CGNL1: variants seen among roughly 807,000 people sequenced by gnomAD.
CGNL1 encodes the protein cingulin-like protein 1.
In CGNL1, 132 loss-of-function variants were observed where a neutral mutation model predicts 141.2. The ratio of observed to expected loss-of-function variants is 0.93; its 90% CI spans 0.81 to 1.08. The LOEUF (loss-of-function observed/expected upper bound fraction) is 1.08. Ranked by LOEUF, CGNL1 falls within the 50% of genes least tolerant of loss-of-function variation. The pLI, the probability that CGNL1 is intolerant of heterozygous loss-of-function variation, is 0.00. For synonymous variants in CGNL1, 690 were observed against 622.1 expected, an observed-to-expected ratio of 1.11 and a Z score of -1.63; for missense variants, 1,870 against 1,588.6, an observed-to-expected ratio of 1.18 and a Z score of -3.01.
Position 57,438,462 on chromosome 15 carries a change from T to G in CGNL1, c.463T>G (p.Tyr155Asp). The change falls in exon 2 of 19, where the codon TAT becomes GAT. Residue 155 changes from tyrosine to aspartate, a missense_variant. By Grantham distance (160) the Tyr-to-Asp change is radical. Coordinates refer to ENST00000281282, the MANE Select transcript of CGNL1 (RefSeq NM_032866.5). ...GAGGCATCCAGAGCTTTTGCAACCC[T>G]ATGACCCTGAAAAGAATGAGTTGAA... is the stretch of plus-strand genomic sequence containing the variant. ...FQRHPELLQP[Y>D]DPEKNELNLQ... 6.2e-7 allele frequency: 1 copy of G among 1,614,178 alleles called. No individual in the cohort carries two copies. The highest frequency in any genetic ancestry group is 8.5e-7 in the Non-Finnish European group (1 of 1,180,034).
At chr15:57,458,832 A>C (rs1313263825) in intron 7 of CGNL1, among the ~76,000 whole-genome samples, 1 of 152,174 alleles carries the variant, frequency 6.6e-6, no homozygotes, top group Non-Finnish European at 1.5e-5. Context: ...GGTGCTTTGA[A>C]AGAGCCAGAG....
intron 8 of CGNL1, among the ~76,000 whole-genome samples, chr15:57,473,701 C>T (rs538743908): frequency 6.6e-5 from 10 of 151,942 alleles, no homozygotes; most frequent in African/African-American, 9.7e-5. Context: ...AAGCAGCCTG[C>T]GAAAAACCCC....
chr15:57,543,670 C>G (rs1620315), intron 14 of CGNL1, 26 bp from the exon 15 acceptor site: 355,440 of 1,581,058 alleles, frequency 0.22, 42,624 homozygotes, highest in African/African-American at 0.42. Context: ...CTTCTAACCT[C>G]TGGGCTTTTG....
chr15:57,506,072 T>A (rs760475778), intron 8 of CGNL1, among the ~76,000 whole-genome samples: 10 of 152,210 alleles, frequency 6.6e-5, no homozygotes, highest in Non-Finnish European at 1.5e-4. Flanking sequence ...AAAAATCCTG[T>A]TGAACCTGTT....
chr15:57,485,606 C>T (rs977236957), intron 8 of CGNL1, among the ~76,000 whole-genome samples: 1 of 152,092 alleles, frequency 6.6e-6, no homozygotes. Flanking sequence ...GCCACAGAGG[C>T]TTTTTCCCAT....
intron 8 of CGNL1, among the ~76,000 whole-genome samples, chr15:57,473,655 G>A (rs1322243925): frequency 6.6e-6 from 1 of 152,120 alleles, no homozygotes; most frequent in East Asian, 1.9e-4. Flanking sequence ...ATCTCTTGCT[G>A]TGGAGGAAGC....
chr15:57,383,808 T>C (rs1201634569), intron 1 of CGNL1, among the ~76,000 whole-genome samples: 2 of 151,730 alleles, frequency 1.3e-5, no homozygotes, highest in East Asian at 1.9e-4. Flanking sequence ...TTTATGTGTG[T>C]GTGTGTGTTT....
rs2031966818 is a variant in CGNL1, at chr15:57,531,790, A to G, written c.3291+11A>G. 2 of 1,514,834 alleles carry G rather than the reference A, an allele frequency of 1.3e-6. No homozygotes were observed. The highest frequency in any genetic ancestry group is 2.3e-5 in the East Asian group (1 of 44,416). The allele number at this position is 1,514,834 out of a possible 1,614,324, so 93.8% of individuals were successfully genotyped here. ...AGGAGCAGGGAACAGGTACTATTCT[A>G]TAGGTGAATGATGCGTGGATTGTCC... On this transcript the variant is annotated intron_variant, in intron 14 of 18. Coordinates refer to ENST00000281282, the MANE Select transcript of CGNL1 (RefSeq NM_032866.5).
intron 7 of CGNL1, among the ~76,000 whole-genome samples, chr15:57,456,831 A>T (rs987875440): frequency 2.6e-5 from 4 of 152,234 alleles, no homozygotes; most frequent in Non-Finnish European, 5.9e-5. Context: ...GCCTCACTCC[A>T]GCAGAGTCTT....
intron 8 of CGNL1, among the ~76,000 whole-genome samples, chr15:57,476,618 C>A (rs1331361660): frequency 6.6e-6 from 1 of 152,160 alleles, no homozygotes; most frequent in East Asian, 1.9e-4. Context: ...GTTTTAGCTA[C>A]AGAGTAAGTC....
At chr15:57,470,526 C>T (rs1437132807) in intron 8 of CGNL1, among the ~76,000 whole-genome samples, 7 of 152,188 alleles carry the variant, frequency 4.6e-5, no homozygotes, top group African/African-American at 1.7e-4. Flanking sequence ...GAGGGATAAA[C>T]AGAGCATCTC....
intron 8 of CGNL1, among the ~76,000 whole-genome samples, chr15:57,482,280 G>C (rs2063735954): frequency 6.6e-6 from 1 of 152,160 alleles, no homozygotes; most frequent in African/African-American, 2.4e-5. Context: ...AAAGGTACAA[G>C]TCTTTAGTTT....
intron 15 of CGNL1, 65 bp from the exon 16 acceptor site, chr15:57,544,408 C>T (rs2032737329): frequency 1.3e-6 from 2 of 1,588,672 alleles, no homozygotes; most frequent in Non-Finnish European, 1.7e-6. Flanking sequence ...GCCCCATATT[C>T]TTCGCTGCTC....
intron 1 of CGNL1, among the ~76,000 whole-genome samples, chr15:57,394,500 C>T (rs2062581181): frequency 6.6e-6 from 1 of 152,116 alleles, no homozygotes; most frequent in African/African-American, 2.4e-5. Flanking sequence ...TAGTAACTTG[C>T]CCAAGGTGAC....
chr15:57,493,395 T>G (rs528433350), intron 8 of CGNL1, among the ~76,000 whole-genome samples: 1 of 152,196 alleles, frequency 6.6e-6, no homozygotes, highest in South Asian at 2.1e-4. Context: ...TCCTGTCATG[T>G]TAACTTGTTT....
chr15:57,471,719 C>G (rs1467702785), intron 8 of CGNL1, among the ~76,000 whole-genome samples: 1 of 152,130 alleles, frequency 6.6e-6, no homozygotes, highest in East Asian at 1.9e-4. Context: ...AAAATAGGCT[C>G]AAACCACTCA....
chr15:57,523,395 C>A, intron 10 of CGNL1, 94 bp from the exon 11 acceptor site: 1 of 1,063,346 alleles, frequency 9.4e-7, no homozygotes, highest in Non-Finnish European at 1.4e-6. Flanking sequence ...GATCTGATTG[C>A]TTTGCAGTGT....
intron 10 of CGNL1, among the ~76,000 whole-genome samples, chr15:57,523,025 C>G (rs1222480746): frequency 6.6e-6 from 1 of 152,182 alleles, no homozygotes; most frequent in East Asian, 1.9e-4. Flanking sequence ...CTTAGCGATT[C>G]ATTTTTAGTT....
chr15:57,493,347 G>T (rs1225436742), intron 8 of CGNL1, among the ~76,000 whole-genome samples: 2 of 152,130 alleles, frequency 1.3e-5, no homozygotes. Context: ...GACAGATTTT[G>T]GAAGGAGCTT....
Sources: allele counts gnomAD v4.1 joint callset (sites outside exome capture counted in the v4.1 genomes callset), GRCh38; gene constraint gnomAD v4.1.1; transcripts MANE v1.5; gene names NCBI Gene and HGNC (gene_info 2026-07-23, HGNC 2026-07-21).